SLC2A14: variants seen among roughly 807,000 people sequenced by gnomAD.
SLC2A14 encodes the protein solute carrier family 2, facilitated glucose transporter member 14.
In SLC2A14, 13 loss-of-function variants were observed where a neutral mutation model predicts 43.0. The observed-to-expected ratio is 0.30, with a 90% CI of 0.20 to 0.48. The LOEUF (loss-of-function observed/expected upper bound fraction) is 0.48, where lower values mean the gene tolerates loss of function less well. Ranked by LOEUF, SLC2A14 falls within the 20% of genes least tolerant of loss-of-function variation. SLC2A14 has a pLI of 0.99. For synonymous variants in SLC2A14, 190 were observed against 233.8 expected (o/e 0.81, Z 1.71); for missense variants, 428 against 620.4 (o/e 0.69, Z 3.29).
upstream of SLC2A14, chr12:7,873,145 C>T: frequency 1.0e-6 from 1 of 985,724 alleles, no homozygotes. Context: ...CCTCAGGCGT[C>T]TTCCTGCGAC....
intron 9 of SLC2A14, among the ~76,000 whole-genome samples, chr12:7,818,690 A>C (rs1592143789): frequency 1.0e-5 from 1 of 96,338 alleles, no homozygotes; most frequent in African/African-American, 5.1e-5. Context: ...ACAAAAAAAT[A>C]CTTTTTTTTT....
intron 2 of SLC2A14, among the ~76,000 whole-genome samples, chr12:7,848,096 C>A (rs960224121): frequency 6.6e-6 from 1 of 152,118 alleles, no homozygotes; most frequent in African/African-American, 2.4e-5. Flanking sequence ...CAGAATCTAG[C>A]TAAGCATAGA....
chr12:7,842,101 G>T (rs1178656628), intron 2 of SLC2A14, among the ~76,000 whole-genome samples: 3 of 151,758 alleles, frequency 2.0e-5, no homozygotes, highest in Non-Finnish European at 4.4e-5. Context: ...TTTTTGCATA[G>T]TTTTGCCTTT....
chr12:7,866,335 C>G (rs941804132), intron 2 of SLC2A14, among the ~76,000 whole-genome samples: 1 of 151,706 alleles, frequency 6.6e-6, no homozygotes, highest in Admixed American at 6.6e-5. Context: ...AAAGCCTAAT[C>G]CAGAGCAAGG....
upstream of SLC2A14, among the ~76,000 whole-genome samples, chr12:7,876,096 T>C (rs1489414355): frequency 2.0e-5 from 3 of 151,730 alleles, no homozygotes; most frequent in Admixed American, 6.6e-5. Flanking sequence ...CTGGCCAGCA[T>C]TGTGAAACCC....
upstream of SLC2A14, among the ~76,000 whole-genome samples, chr12:7,875,480 C>T (rs539713398): frequency 1.3e-5 from 2 of 150,790 alleles, no homozygotes; most frequent in Non-Finnish European, 2.9e-5. Flanking sequence ...TGCACTCCAG[C>T]CTGTGTGACA....
At chr12:7,866,510 G>A (rs769006616) in intron 2 of SLC2A14, among the ~76,000 whole-genome samples, 5 of 151,948 alleles carry the variant, frequency 3.3e-5, no homozygotes, top group African/African-American at 4.8e-5. Flanking sequence ...AACTATAGGC[G>A]CCTGCCACCA....
chr12:7,813,174 G>A lies in SLC2A14; in HGVS notation c.*1142C>T, dbSNP rs1455076436. The A allele has an allele frequency of 6.6e-6, 1 of 151,368 alleles. No individual in the cohort carries two copies. Among genetic ancestry groups the A allele is most frequent in the Non-Finnish European group, 1.5e-5 (1 of 67,850 alleles). 9.4% of individuals were successfully genotyped at this position (151,368 alleles called of 1,614,324 possible). On this transcript the variant is annotated 3_prime_UTR_variant, in exon 11 of 11. Transcript: ENST00000431042. ...TCCAAGTTTGCTGTAAACATTCTTT[G>A]GGGAATTCCTTTAAAGGTATGAGTT...
chr12:7,849,873 C>G (rs1866778668), intron 2 of SLC2A14, among the ~76,000 whole-genome samples: 1 of 149,970 alleles, frequency 6.7e-6, no homozygotes. Flanking sequence ...GCACTGAACT[C>G]CAGCCTGGGT....
intron 1 of SLC2A14, among the ~76,000 whole-genome samples, chr12:7,887,721 C>T (rs1945711699): frequency 6.6e-6 from 1 of 152,144 alleles, no homozygotes; most frequent in East Asian, 1.9e-4. Flanking sequence ...CTAATCATCT[C>T]CAAGTCTACC....
At chr12:7,836,129 C>G (rs575399884) in intron 2 of SLC2A14, among the ~76,000 whole-genome samples, 1 of 151,980 alleles carries the variant, frequency 6.6e-6, no homozygotes, top group Non-Finnish European at 1.5e-5. Flanking sequence ...AAATTTGAAT[C>G]GTGTCAGAGT....
At chr12:7,867,900 G>C (rs12811829) in intron 2 of SLC2A14, among the ~76,000 whole-genome samples, 52,887 of 150,828 alleles carry the variant, frequency 0.35, 9,182 homozygotes, top group South Asian at 0.44. Context: ...CCTAGTAAAC[G>C]TGTTGTGAAT....
rs991902997 is a variant in SLC2A14, at chr12:7,836,406, G to C, written c.19-3592C>G. ...CAGCTAATTTTTTGTATTTTTAGTA[G>C]AGACAGGGTTTCATCATGTTAGCCA... On this transcript the variant is annotated intron_variant, in intron 2 of 10. Transcript: ENST00000431042. Among the ~76,000 whole-genome samples, 4 of 151,598 alleles carry C rather than the reference G, an allele frequency of 2.6e-5. No homozygotes were observed. In the East Asian group the frequency reaches 7.9e-4, roughly 30 times the overall value.
At chr12:7,855,264 A>C (rs963530855) in intron 2 of SLC2A14, among the ~76,000 whole-genome samples, 3 of 152,068 alleles carry the variant, frequency 2.0e-5, no homozygotes, top group Non-Finnish European at 2.9e-5. Context: ...ATTTCTTTTC[A>C]GGGAGGGCAG....
At chr12:7,862,609 C>T (rs1018311468) in intron 2 of SLC2A14, among the ~76,000 whole-genome samples, 6 of 152,172 alleles carry the variant, frequency 3.9e-5, no homozygotes, top group African/African-American at 1.4e-4. Context: ...CCACCTGCAG[C>T]ACCGGTGCGT....
chr12:7,859,794 A>G (rs1944446134), intron 2 of SLC2A14, among the ~76,000 whole-genome samples: 1 of 152,198 alleles, frequency 6.6e-6, no homozygotes, highest in East Asian at 1.9e-4. Context: ...GGCAAAGAGC[A>G]GCATCATAAG....
At chr12:7,817,358 G>A (rs1157920591) in intron 10 of SLC2A14, among the ~76,000 whole-genome samples, 1 of 151,984 alleles carries the variant, frequency 6.6e-6, no homozygotes, top group African/African-American at 2.4e-5. Context: ...CAGGTGATCT[G>A]CCTGCCTCAG....
rs755942957 is a variant in SLC2A14, at chr12:7,854,109, T to C, written c.18+15754A>G. 7.7e-4 allele frequency among the ~76,000 whole-genome samples: 118 copies of C among 152,262 alleles called. 1 individual carries two copies. The highest frequency in any genetic ancestry group is 2.6e-3 in the African/African-American group (106 of 41,554). ...AGACTGAGAAGTGATTAGAGTCATA[T>C]ATCTATAGCCTGTCTTATTTGTATC... On this transcript the variant is annotated intron_variant, in intron 2 of 10. Transcript: ENST00000431042.
chr12:7,829,421 G>A lies in SLC2A14; in HGVS notation c.513+345C>T, dbSNP rs373329574. ...CTAAAAATACAAAAATTAGCTGGAC[G>A]TGGTGGTGCACACCTGTAATCCCAG... On this transcript the variant is annotated intron_variant, in intron 5 of 10. Transcript: ENST00000431042. Among the ~76,000 whole-genome samples the A allele has an allele frequency of 1.1e-4, 17 of 151,812 alleles. No homozygotes were observed. In the East Asian group the frequency reaches 2.7e-3, roughly 24 times the overall value.
Sources: allele counts gnomAD v4.1 joint callset (sites outside exome capture counted in the v4.1 genomes callset), GRCh38; gene constraint gnomAD v4.1.1; transcripts MANE v1.5; gene names NCBI Gene and HGNC (gene_info 2026-07-23, HGNC 2026-07-21).